PITPNC1: variants seen among roughly 807,000 people sequenced by gnomAD.
PITPNC1 encodes the protein cytoplasmic phosphatidylinositol transfer protein 1.
In PITPNC1, 18 loss-of-function variants were observed where a neutral mutation model predicts 44.7. The observed-to-expected ratio is 0.40, with a 90% CI of 0.28 to 0.60. PITPNC1 has a LOEUF of 0.60. PITPNC1 is among the 20% of genes least tolerant of loss of function. The pLI is 0.39. For synonymous variants in PITPNC1, 141 were observed against 149.6 expected (o/e 0.94, Z 0.42); for missense variants, 290 against 418.4 (o/e 0.69, Z 2.68).
At chr17:67,584,057 G>T (rs934378390) in intron 5 of PITPNC1, among the ~76,000 whole-genome samples, 1 of 151,962 alleles carries the variant, frequency 6.6e-6, no homozygotes. Context: ...GATTTTTACA[G>T]TTCCCCCAGG....
At chr17:67,646,044 G>T (rs1236309370) in intron 6 of PITPNC1, among the ~76,000 whole-genome samples, 1 of 152,206 alleles carries the variant, frequency 6.6e-6, no homozygotes, top group African/African-American at 2.4e-5. Context: ...AGAATCACTT[G>T]AACCTGGGAG....
At chr17:67,650,150 C>A (rs1397559055) in intron 6 of PITPNC1, among the ~76,000 whole-genome samples, 2 of 152,194 alleles carry the variant, frequency 1.3e-5, no homozygotes, top group Admixed American at 1.3e-4. Flanking sequence ...TCCCAAAAGT[C>A]ACCCCCATCA....
chr17:67,592,924 G>T (rs1315609955), intron 5 of PITPNC1, among the ~76,000 whole-genome samples: 2 of 152,168 alleles, frequency 1.3e-5, no homozygotes, highest in South Asian at 2.1e-4. Context: ...TGTAGCTCCA[G>T]CTACTTGTGA....
At chr17:67,663,867 G>A (rs79877682) in intron 6 of PITPNC1, among the ~76,000 whole-genome samples, 13,565 of 152,146 alleles carry the variant, frequency 0.089, 622 homozygotes, top group Middle Eastern at 0.17. Context: ...ACCTGCTTCC[G>A]CCCTAGACCT....
At chr17:67,625,979 T>C (rs1414357403) in intron 5 of PITPNC1, among the ~76,000 whole-genome samples, 3 of 151,830 alleles carry the variant, frequency 2.0e-5, no homozygotes, top group Non-Finnish European at 4.4e-5. Flanking sequence ...TGTTTGTTGT[T>C]TTTTTTTTTG....
At chr17:67,492,025 A>G (rs1472777820) in intron 1 of PITPNC1, among the ~76,000 whole-genome samples, 1 of 150,576 alleles carries the variant, frequency 6.6e-6, no homozygotes, top group East Asian at 1.9e-4. Flanking sequence ...AAAAAAAAAG[A>G]TGTGCAAGAT....
At chr17:67,379,266 G>GAT (rs1367943024) in intron 1 of PITPNC1, 13 of 985,536 alleles carry the variant, frequency 1.3e-5, no homozygotes, top group Non-Finnish European at 1.6e-5. Flanking sequence ...GAAACTATCA[G>GAT]ATATGTTTTT....
At chr17:67,465,203 C>G (rs1026894337) in intron 1 of PITPNC1, among the ~76,000 whole-genome samples, 1 of 152,160 alleles carries the variant, frequency 6.6e-6, no homozygotes, top group Non-Finnish European at 1.5e-5. Flanking sequence ...TTTGAGTGAT[C>G]GGTCCCCAGA....
chr17:67,650,930 T>G (rs2042202872), intron 6 of PITPNC1, among the ~76,000 whole-genome samples: 1 of 152,210 alleles, frequency 6.6e-6, no homozygotes, highest in Non-Finnish European at 1.5e-5. Flanking sequence ...ACACATCAGA[T>G]GCACCTTATG....
At chr17:67,528,431 G>A (rs1258809337) in intron 1 of PITPNC1, among the ~76,000 whole-genome samples, 1 of 152,106 alleles carries the variant, frequency 6.6e-6, no homozygotes, top group Non-Finnish European at 1.5e-5. Flanking sequence ...AAGTGATGCT[G>A]TATCATCATC....
chr17:67,495,991 A>AT (rs1186410814), intron 1 of PITPNC1, among the ~76,000 whole-genome samples: 4 of 152,320 alleles, frequency 2.6e-5, no homozygotes, highest in East Asian at 3.9e-4. Context: ...GTATTTGACC[A>AT]TTTTTTATTT....
intron 1 of PITPNC1, among the ~76,000 whole-genome samples, chr17:67,416,036 G>T (rs1004465453): frequency 6.6e-6 from 1 of 152,006 alleles, no homozygotes; most frequent in Non-Finnish European, 1.5e-5. Flanking sequence ...TGGCACTACC[G>T]CCGTTATGTA....
rs1404298644 is a variant in PITPNC1, at chr17:67,387,015, A to T, written c.48+8813A>T. ...ATATATTACAAATATTAAAACGGAC[A>T]AACCAATCGTATCTGGAAAATGTAG... On this transcript the variant is annotated intron_variant, in intron 1 of 8. Coordinates refer to ENST00000581322, the MANE Select transcript of PITPNC1 (RefSeq NM_012417.4). Among the ~76,000 whole-genome samples the T allele has an allele frequency of 2.0e-5, 3 of 152,382 alleles. No homozygotes were observed. In the South Asian group the frequency reaches 6.2e-4, roughly 32 times the overall value.
At chr17:67,505,763 C>T (rs531701449) in intron 1 of PITPNC1, among the ~76,000 whole-genome samples, 93 of 152,246 alleles carry the variant, frequency 6.1e-4, no homozygotes, top group Non-Finnish European at 1.1e-3. Flanking sequence ...ACGTGAGCCA[C>T]CGCGCCCAGC....
At chr17:67,445,028 G>GA (rs947039207) in intron 1 of PITPNC1, among the ~76,000 whole-genome samples, 1 of 151,870 alleles carries the variant, frequency 6.6e-6, no homozygotes, top group African/African-American at 2.4e-5. Flanking sequence ...GGGAAAAGGA[G>GA]ATGGGGAAGT....
chr17:67,629,518 C>T (rs898019189), intron 5 of PITPNC1, among the ~76,000 whole-genome samples: 1 of 152,176 alleles, frequency 6.6e-6, no homozygotes. Context: ...TCCCCCAACC[C>T]GCCCGACATC....
intron 1 of PITPNC1, among the ~76,000 whole-genome samples, chr17:67,486,901 T>C (rs548629293): frequency 6.6e-6 from 1 of 151,932 alleles, no homozygotes; most frequent in African/African-American, 2.4e-5. Flanking sequence ...AGCGTGGTGG[T>C]GCATGTCTGT....
intron 1 of PITPNC1, among the ~76,000 whole-genome samples, chr17:67,409,101 G>A (rs1421579029): frequency 3.6e-5 from 4 of 111,876 alleles, no homozygotes; most frequent in African/African-American, 9.9e-5. Flanking sequence ...TTTTTGAGAC[G>A]GAGTCTCGCT....
intron 1 of PITPNC1, among the ~76,000 whole-genome samples, chr17:67,507,683 C>CA (rs59838492): frequency 0.036 from 2,849 of 79,284 alleles, 90 homozygotes; most frequent in East Asian, 0.094. Context: ...GACTTGGTCT[C>CA]AAAAAAAAAA....
Sources: allele counts gnomAD v4.1 joint callset (sites outside exome capture counted in the v4.1 genomes callset), GRCh38; gene constraint gnomAD v4.1.1; transcripts MANE v1.5; gene names NCBI Gene and HGNC (gene_info 2026-07-23, HGNC 2026-07-21).